Variants in FMN2 observed in about 807,000 individuals in gnomAD.
The protein encoded by FMN2 is formin 2, also known as formin-2.
A neutral mutation model predicts 142.3 loss-of-function variants in FMN2; 51 were observed. The observed-to-expected ratio is 0.36, with a 90% CI of 0.29 to 0.45. The LOEUF (loss-of-function observed/expected upper bound fraction) is 0.45, where lower values mean the gene tolerates loss of function less well. Ranked by LOEUF, FMN2 falls within the 20% of genes least tolerant of loss-of-function variation. The pLI, the probability that FMN2 is intolerant of heterozygous loss-of-function variation, is 1.00. For missense variants in FMN2, 1,936 were observed against 2,122.8 expected, an observed-to-expected ratio of 0.91 and a Z score of 1.73; for synonymous variants, 882 against 869.8, an observed-to-expected ratio of 1.01 and a Z score of -0.25.
chr1:240,142,800 A>T, intron 2 of FMN2: 1 of 1,587,676 alleles, frequency 6.3e-7, no homozygotes, highest in Non-Finnish European at 8.6e-7. Context: ...ATGTGTCTGG[A>T]ACCCTGTGAT....
In FMN2 at chr1:240,357,902, C is replaced by A. The variant is rs532005092; in HGVS notation, c.4858+1994C>A. Among the ~76,000 whole-genome samples the A allele has an allele frequency of 1.0e-3, 155 of 152,252 alleles. 1 individual carries two copies. The highest frequency in any genetic ancestry group is 3.4e-3 in the African/African-American group (143 of 41,562). On this transcript the variant is annotated intron_variant, in intron 14 of 17. Coordinates refer to ENST00000319653, the MANE Select transcript of FMN2 (RefSeq NM_020066.5). ...GATTACAGGCGTGGGCCACCGAGCCCAGCCAGGAAGATCTTTTAACCTCCT... is the reference window on the plus strand; with the variant it reads ...GATTACAGGCGTGGGCCACCGAGCCAAGCCAGGAAGATCTTTTAACCTCCT...
intron 1 of FMN2, among the ~76,000 whole-genome samples, chr1:240,099,050 A>G (rs2103171563): frequency 6.6e-6 from 1 of 152,310 alleles, no homozygotes; most frequent in South Asian, 2.1e-4. Context: ...CCTCATATCT[A>G]TGAAGGTAGA....
chr1:240,274,416 C>T (rs1669123595), intron 7 of FMN2, among the ~76,000 whole-genome samples: 3 of 151,908 alleles, frequency 2.0e-5, no homozygotes, highest in South Asian at 2.1e-4. Flanking sequence ...AGGATCAGCA[C>T]GATGTGAGAG....
rs185251654 is a variant in FMN2 at position 240,373,142 on chromosome 1, C to T, written c.4858+17234C>T. ...GAGTTTGCAGTGAGCCGAGATCTCA[C>T]CACTGCACTCCAGCCTGGGCGACAG... On this transcript the variant is annotated intron_variant, in intron 14 of 17. Coordinates refer to ENST00000319653, the MANE Select transcript of FMN2 (RefSeq NM_020066.5). Among the ~76,000 whole-genome samples the T allele has an allele frequency of 4.6e-3, 701 of 152,280 alleles. 1 individual carries two copies. The highest frequency in any genetic ancestry group is 0.016 in the African/African-American group (660 of 41,554).
At chr1:240,143,030 C>T (rs141345154) in intron 2 of FMN2, 2 of 1,498,478 alleles carry the variant, frequency 1.3e-6, no homozygotes, top group East Asian at 4.5e-5. Flanking sequence ...CCACTGGACT[C>T]ATAAGCTGCC....
In FMN2 at chr1:240,221,117, T is replaced by C. The variant is rs563742457; in HGVS notation, c.4065+9882T>C. ...CACATTTTCTTTATCCAGCCTATCA[T>C]TGATGGGCATTTTGGGTGGTTCCAA... On this transcript the variant is annotated intron_variant, in intron 6 of 17. Coordinates refer to ENST00000319653, the MANE Select transcript of FMN2 (RefSeq NM_020066.5). Among the ~76,000 whole-genome samples, 3 of 152,368 alleles carry C rather than the reference T, an allele frequency of 2.0e-5. No homozygotes were observed. The South Asian group carries it at 6.2e-4, about 32-fold the overall frequency.
chr1:240,135,259 C>T (rs896801053), intron 2 of FMN2, among the ~76,000 whole-genome samples: 2 of 152,106 alleles, frequency 1.3e-5, no homozygotes, highest in Non-Finnish European at 2.9e-5. Flanking sequence ...TCAAAGAGTT[C>T]ATTTTATTTT....
chr1:240,351,295 T>C (rs1421800557), intron 13 of FMN2, among the ~76,000 whole-genome samples: 1 of 152,186 alleles, frequency 6.6e-6, no homozygotes, highest in African/African-American at 2.4e-5. Flanking sequence ...TCTAATATTT[T>C]GAGCTGCTTA....
At chr1:240,193,464 C>A (rs1665794128) in intron 4 of FMN2, among the ~76,000 whole-genome samples, 1 of 152,302 alleles carries the variant, frequency 6.6e-6, no homozygotes, top group Admixed American at 6.5e-5. Context: ...CAATTAAGGG[C>A]AATTTCTTAG....
At chr1:240,262,833 T>A (rs1668676648) in intron 7 of FMN2, among the ~76,000 whole-genome samples, 1 of 144,734 alleles carries the variant, frequency 6.9e-6, no homozygotes. Context: ...CAATCTCAGC[T>A]CACTACAATC....
intron 7 of FMN2, among the ~76,000 whole-genome samples, chr1:240,285,837 G>A (rs1669570956): frequency 6.6e-6 from 1 of 152,074 alleles, no homozygotes; most frequent in Non-Finnish European, 1.5e-5. Flanking sequence ...AAGAAGGTGG[G>A]GACAACAAGT....
intron 13 of FMN2, among the ~76,000 whole-genome samples, chr1:240,344,839 G>C (rs1671856912): frequency 2.0e-5 from 3 of 152,130 alleles, no homozygotes; most frequent in Admixed American, 6.5e-5. Flanking sequence ...AATTATCTGT[G>C]ATTGTGTTAC....
rs199995902 is a variant in FMN2 at position 240,438,162 on chromosome 1, A to T, written c.5012A>T (p.Asp1671Val). Residue 1671 changes from aspartate to valine, a missense_variant, in exon 16 of 18, where the codon GAC becomes GTC. Physicochemically the swap from Asp to Val is radical, Grantham distance 152. Transcript: ENST00000319653. ...AGTATCTGGCATGAATTCAGCTCTG[A>T]CTTTAAAGACTTCTGGAAGAAAGAG... ...FFSIWHEFSS[D>V]FKDFWKKENK... 53 of 1,614,060 alleles carry T rather than the reference A, an allele frequency of 3.3e-5. No individual in the cohort carries two copies. In the East Asian group the frequency reaches 1.2e-3, roughly 36 times the overall value.
At chr1:240,433,781 C>A (rs1675260664) in intron 15 of FMN2, among the ~76,000 whole-genome samples, 1 of 152,190 alleles carries the variant, frequency 6.6e-6, no homozygotes. Flanking sequence ...CTGCTTCCTC[C>A]TATACAGATG....
chr1:240,220,681 G>C (rs2103421819), intron 6 of FMN2, among the ~76,000 whole-genome samples: 1 of 151,932 alleles, frequency 6.6e-6, no homozygotes, highest in Admixed American at 6.6e-5. Flanking sequence ...GTGTGTGTGT[G>C]TGTGTGTGTG....
intron 1 of FMN2, among the ~76,000 whole-genome samples, chr1:240,117,262 C>T (rs191484751): frequency 2.6e-5 from 4 of 152,274 alleles, no homozygotes; most frequent in East Asian, 3.9e-4. Context: ...TTGGGAAGAA[C>T]GGGTCAGGTG....
intron 4 of FMN2, among the ~76,000 whole-genome samples, chr1:240,190,277 G>A (rs1259126653): frequency 1.3e-5 from 2 of 152,162 alleles, no homozygotes; most frequent in African/African-American, 4.8e-5. Context: ...TGGAAGTCAG[G>A]AAAATTAATT....
At chr1:240,315,500 A>G (rs934800422) in intron 8 of FMN2, among the ~76,000 whole-genome samples, 2 of 152,180 alleles carry the variant, frequency 1.3e-5, no homozygotes, top group African/African-American at 4.8e-5. Context: ...CACTGAACTT[A>G]TTTAGGAACT....
chr1:240,470,964 T>C (rs1458714970), intron 16 of FMN2, among the ~76,000 whole-genome samples: 1 of 152,202 alleles, frequency 6.6e-6, no homozygotes, highest in Non-Finnish European at 1.5e-5. Context: ...TTTGCAACTC[T>C]GTGCAGTGAT....
Sources: allele counts gnomAD v4.1 joint callset (sites outside exome capture counted in the v4.1 genomes callset), GRCh38; gene constraint gnomAD v4.1.1; transcripts MANE v1.5; gene names NCBI Gene and HGNC (gene_info 2026-07-23, HGNC 2026-07-21).